The following ANKS6 variants were observed in gnomAD, a reference collection of about 807,000 sequenced individuals.
ANKS6 encodes ankyrin repeat and SAM domain-containing protein 6.
A neutral mutation model predicts 77.9 loss-of-function variants in ANKS6; 47 were observed. That is an observed-to-expected ratio of 0.60 (90% CI 0.48 to 0.77). ANKS6 has a LOEUF of 0.77. Among genes scored for constraint, ANKS6 ranks in the 30% least tolerant of loss-of-function variants. The pLI, the probability that ANKS6 is intolerant of heterozygous loss-of-function variation, is 0.00. For missense variants in ANKS6, 1,150 were observed against 1,159.1 expected, an observed-to-expected ratio of 0.99 and a Z score of 0.11; for synonymous variants, 488 against 501.7, an observed-to-expected ratio of 0.97 and a Z score of 0.37.
Position 98,733,670 on chromosome 9 carries a change from G to C in ANKS6, c.*2849C>G, listed in dbSNP as rs531347506. 1.3e-5 allele frequency: 13 copies of C among 985,460 alleles called. No homozygotes were observed. In the African/African-American group the frequency reaches 1.6e-4, roughly 12 times the overall value. The allele number at this position is 985,460 out of a possible 1,614,324, so 61.0% of individuals were successfully genotyped here. Reference sequence around the variant, plus strand: ...TTGGAGAAGTGATGAGAGTAATGTGGGAGATGCTATGAGTTTCTTGGCCCT... The same window carrying C: ...TTGGAGAAGTGATGAGAGTAATGTGCGAGATGCTATGAGTTTCTTGGCCCT... On this transcript the variant is annotated 3_prime_UTR_variant, in exon 15 of 15. Coordinates refer to ENST00000353234, the MANE Select transcript of ANKS6 (RefSeq NM_173551.5).
In ANKS6 at chr9:98,770,997, G is replaced by A. The variant is rs1283801847; in HGVS notation, c.1871C>T (p.Ser624Phe). Residue 624 changes from serine (S) to phenylalanine (F), a missense_variant, in exon 10 of 15, where the codon TCT becomes TTT. Coordinates refer to ENST00000353234, the MANE Select transcript of ANKS6 (RefSeq NM_173551.5). The part of the protein sequence containing the change: ...KFPSLPRSPA[S>F]SANSGNFNHS... ...GTTGAAGTTTCCAGAATTGGCAGAA[G>A]AGGCTGGGCTTCTGGGGAGGCTTGG... The A allele has an allele frequency of 4.4e-6, 7 of 1,597,614 alleles. No homozygotes were observed. Among genetic ancestry groups the A allele is most frequent in the Non-Finnish European group, 6.0e-6 (7 of 1,171,964 alleles).
intron 5 of ANKS6, among the ~76,000 whole-genome samples, chr9:98,780,848 G>C (rs1834207712): frequency 6.6e-6 from 1 of 151,212 alleles, no homozygotes; most frequent in African/African-American, 2.4e-5. Context: ...TTGCAAAAAA[G>C]ATTGAGAAGA....
chr9:98,776,380 C>A (rs1362352298), intron 8 of ANKS6, among the ~76,000 whole-genome samples: 4 of 148,366 alleles, frequency 2.7e-5, no homozygotes, highest in African/African-American at 7.5e-5. Context: ...GTGATTTAAG[C>A]AGAGTAGTTG....
intron 10 of ANKS6, 133 bp from the exon 11 acceptor site, chr9:98,768,383 G>C: frequency 9.2e-7 from 1 of 1,084,090 alleles, no homozygotes; most frequent in Non-Finnish European, 1.3e-6. Context: ...CTCCAGGACA[G>C]GACTGACCAC....
chr9:98,778,292 C>T lies in ANKS6; in HGVS notation c.1501G>A (p.Ala501Thr). The change falls in exon 7 of 15, where the codon GCT becomes ACT. Residue 501 changes from alanine (A) to threonine (T), a missense_variant. Transcript: ENST00000353234. ...CGGCTTGTCTTGTCCTGGGGGGCAG[C>T]CCTCATTGTGGAGTCCAGAGCTGGC... ...PEPALDSTMRAAPQDKTSRSA... is the reference protein window; with the variant it reads ...PEPALDSTMRTAPQDKTSRSA... The T allele has an allele frequency of 6.2e-7, 1 of 1,614,106 alleles. No individual in the cohort carries two copies. Among genetic ancestry groups the T allele is most frequent in the Non-Finnish European group, 8.5e-7 (1 of 1,180,014 alleles).
At chr9:98,761,255 T>C (rs905751604) in intron 11 of ANKS6, among the ~76,000 whole-genome samples, 3 of 152,222 alleles carry the variant, frequency 2.0e-5, no homozygotes, top group Non-Finnish European at 2.9e-5. Flanking sequence ...GGGTTCTTTA[T>C]TTAGTCTGGA....
chr9:98,793,965 C>T (rs374939094), intron 1 of ANKS6, among the ~76,000 whole-genome samples: 150 of 150,384 alleles, frequency 1.0e-3, no homozygotes, highest in African/African-American at 3.4e-3. Flanking sequence ...GCCTGGCCAA[C>T]ACAGTGAAAC....
chr9:98,736,259 C>T lies in ANKS6; in HGVS notation c.*260G>A. 1 of 1,301,324 alleles carries T rather than the reference C, an allele frequency of 7.7e-7. No homozygotes were observed. Among genetic ancestry groups the T allele is most frequent in the Non-Finnish European group, 9.7e-7 (1 of 1,027,328 alleles). The allele number at this position is 1,301,324 out of a possible 1,614,324, so 80.6% of individuals were successfully genotyped here. Reference sequence around the variant, plus strand: ...AGCACAGGATGAAAGGAGCTGAGTCCCTGCATCACTGTGTGAACCAACCTG... The same window carrying T: ...AGCACAGGATGAAAGGAGCTGAGTCTCTGCATCACTGTGTGAACCAACCTG... On this transcript the variant is annotated 3_prime_UTR_variant, in exon 15 of 15. Coordinates refer to ENST00000353234, the MANE Select transcript of ANKS6 (RefSeq NM_173551.5).
intron 1 of ANKS6, among the ~76,000 whole-genome samples, chr9:98,792,702 C>A (rs1000526656): frequency 6.6e-6 from 1 of 152,042 alleles, no homozygotes; most frequent in African/African-American, 2.4e-5. Context: ...TTAATAAACC[C>A]CGAGATAAAC....
Position 98,734,885 on chromosome 9 carries a change from A to G in ANKS6, c.*1634T>C. On this transcript the variant is annotated 3_prime_UTR_variant, in exon 15 of 15. Transcript: ENST00000353234. Reference sequence around the variant, plus strand: ...AAACACTTTGTCTTCAGTCCTGTGGAAAGTTGGCTTCTGTGAGTGTAAGGC... The same window carrying G: ...AAACACTTTGTCTTCAGTCCTGTGGGAAGTTGGCTTCTGTGAGTGTAAGGC... The G allele has an allele frequency of 4.1e-6, 4 of 985,480 alleles. No individual in the cohort carries two copies. Among genetic ancestry groups the G allele is most frequent in the Non-Finnish European group, 4.8e-6 (4 of 829,948 alleles). The allele number at this position is 985,480 out of a possible 1,614,324, so 61.0% of individuals were successfully genotyped here.
chr9:98,765,881 CT>C (rs1446998515), intron 11 of ANKS6, among the ~76,000 whole-genome samples: 1 of 152,174 alleles, frequency 6.6e-6, no homozygotes, highest in African/African-American at 2.4e-5. Flanking sequence ...TGAATACTAA[CT>C]TCTAATTTTT....
intron 1 of ANKS6, among the ~76,000 whole-genome samples, chr9:98,792,181 A>C (rs959909627): frequency 2.0e-5 from 3 of 151,398 alleles, no homozygotes; most frequent in African/African-American, 4.9e-5. Flanking sequence ...TCCTGACCCC[A>C]CCAGAGGACT....
chr9:98,789,986 G>T (rs1564227295), intron 2 of ANKS6, 118 bp downstream of exon 2: 2 of 1,391,868 alleles, frequency 1.4e-6, no homozygotes, highest in Non-Finnish European at 1.9e-6. Context: ...CAGTCTCAGT[G>T]GTCTGCAGGG....
At position 98,780,122 on chromosome 9, in the gene ANKS6, C is replaced by T. The variant is rs1360371792; in HGVS notation, c.1368+67G>A. ...TAAACCAGCCTGGGTGCATAGGAGG[C>T]AGCAGGCTCCCCGCCAGCCCCCATC... On this transcript the variant is annotated intron_variant, in intron 6 of 14. Transcript: ENST00000353234. The T allele has an allele frequency of 1.6e-5, 25 of 1,593,038 alleles. No homozygotes were observed. The Admixed American group carries it at 2.2e-4, about 14-fold the overall frequency.
At position 98,780,271 on chromosome 9, in the gene ANKS6, C is replaced by T. The variant is rs777701499; in HGVS notation, c.1286G>A (p.Ser429Asn). The T allele has an allele frequency of 6.2e-7, 1 of 1,612,480 alleles. No homozygotes were observed. Residue 429 changes from serine to asparagine, a missense_variant, in exon 6 of 15, where the codon AGC becomes AAC. Ser to Asn is a conservative substitution (Grantham distance 46). Transcript: ENST00000353234. ...MQVNKDKGRP[S>N]HQPPLPHSKV... ...CGAGTGGGGCAGGGGAGGCTGGTGG[C>T]TCGGCCGGCCTTTGTCTTTATTCAC...
At chr9:98,784,986 A>C in intron 2 of ANKS6, 110 bp from the exon 3 acceptor site, 1 of 996,794 alleles carries the variant, frequency 1.0e-6, no homozygotes, top group Non-Finnish European at 1.5e-6. Context: ...AATTCTCAAA[A>C]GCAATCTAAT....
chr9:98,774,382 G>A (rs186144702), intron 8 of ANKS6, among the ~76,000 whole-genome samples: 445 of 152,298 alleles, frequency 2.9e-3, no homozygotes, highest in Non-Finnish European at 4.3e-3. Context: ...GGAGGCAGGG[G>A]AACTGGGAGA....
intron 6 of ANKS6, 62 bp downstream of exon 6, chr9:98,780,127 G>A (rs557198525): frequency 1.9e-6 from 3 of 1,598,786 alleles, no homozygotes; most frequent in African/African-American, 2.7e-5. Flanking sequence ...GGAGGCAGCA[G>A]GCTCCCCGCC....
At chr9:98,744,149 C>T (rs1831990964) in intron 14 of ANKS6, among the ~76,000 whole-genome samples, 1 of 152,234 alleles carries the variant, frequency 6.6e-6, no homozygotes. Context: ...AGAATCCAGC[C>T]ATTTACAGAG....
Sources: gnomAD v4.1 joint callset for allele counts (sites outside exome capture counted in the v4.1 genomes callset) on GRCh38, gnomAD v4.1.1 for gene constraint, MANE v1.5 for transcripts, NCBI Gene and HGNC (gene_info 2026-07-23, HGNC 2026-07-21) for gene names.